Variants in DNAH3 observed in about 807,000 individuals in gnomAD.
The protein encoded by DNAH3 is dynein axonemal heavy chain 3.
A neutral mutation model predicts 432.5 loss-of-function variants in DNAH3; 332 were observed. The observed-to-expected ratio is 0.77, with a 90% CI of 0.70 to 0.84. DNAH3 has a LOEUF of 0.84. Among genes scored for constraint, DNAH3 ranks in the 40% least tolerant of loss-of-function variants. The pLI is 0.00. For missense variants in DNAH3, 4,861 were observed against 5,114.0 expected, an observed-to-expected ratio of 0.95 and a Z score of 1.51; for synonymous variants, 1,956 against 1,900.2, an observed-to-expected ratio of 1.03 and a Z score of -0.76.
intron 9 of DNAH3, among the ~76,000 whole-genome samples, chr16:21,124,490 G>A (rs1182469814): frequency 6.6e-6 from 1 of 151,982 alleles, no homozygotes; most frequent in Non-Finnish European, 1.5e-5. Flanking sequence ...CCAATCCACA[G>A]CTGGACTGGA....
chr16:21,147,571 GC>G, intron 1 of DNAH3, among the ~76,000 whole-genome samples: 1 of 152,288 alleles, frequency 6.6e-6, no homozygotes, highest in Middle Eastern at 3.4e-3. Flanking sequence ...TCAGGCAGTG[GC>G]ACTGAATTTT....
At chr16:21,142,388 T>C (rs1230726839) in intron 3 of DNAH3, among the ~76,000 whole-genome samples, 1 of 152,058 alleles carries the variant, frequency 6.6e-6, no homozygotes, top group African/African-American at 2.4e-5. Flanking sequence ...CATACATACA[T>C]ACATGCATAC....
At chr16:21,157,758 C>T (rs1263857905) in intron 1 of DNAH3, among the ~76,000 whole-genome samples, 1 of 146,654 alleles carries the variant, frequency 6.8e-6, no homozygotes, top group Non-Finnish European at 1.5e-5. Flanking sequence ...AATGGTTGGG[C>T]TTATCCCTCT....
chr16:20,948,618 G>T, exon 57 of DNAH3: 1 of 1,614,154 alleles, frequency 6.2e-7, no homozygotes, highest in Non-Finnish European at 8.5e-7. Flanking sequence ...CAGTCACTCT[G>T]CCTCCGTAAT....
At chr16:20,982,875 T>C (rs749658424) in exon 49 of DNAH3, 8 of 1,613,972 alleles carry the variant, frequency 5.0e-6, no homozygotes, top group African/African-American at 1.3e-5. Context: ...GCATCCCCTA[T>C]TGGACTCATG....
intron 20 of DNAH3, among the ~76,000 whole-genome samples, chr16:21,080,678 T>C (rs1179564539): frequency 6.6e-6 from 1 of 152,164 alleles, no homozygotes; most frequent in African/African-American, 2.4e-5. Flanking sequence ...AAAACGTGCA[T>C]TCTAGCTAGT....
At chr16:21,127,585 T>C in intron 8 of DNAH3, 102 bp downstream of exon 9, 1 of 1,374,864 alleles carries the variant, frequency 7.3e-7, no homozygotes, top group Non-Finnish European at 9.9e-7. Context: ...CACGAAAGGA[T>C]GCCAGTGGGA....
chr16:21,127,705 T>C (rs762020805), exon 8 of DNAH3: 4 of 1,614,154 alleles, frequency 2.5e-6, no homozygotes, highest in Non-Finnish European at 2.5e-6. Context: ...AAGAGTCTGG[T>C]GTGCCTCCAG....
chr16:21,123,826 G>A (rs2092393232), intron 9 of DNAH3, among the ~76,000 whole-genome samples: 1 of 151,672 alleles, frequency 6.6e-6, no homozygotes, highest in Non-Finnish European at 1.5e-5. Flanking sequence ...GTCTCGCTCT[G>A]TCACCCAGGC....
At chr16:21,058,833 G>A (rs974980209) in intron 26 of DNAH3, among the ~76,000 whole-genome samples, 1 of 152,086 alleles carries the variant, frequency 6.6e-6, no homozygotes, top group African/African-American at 2.4e-5. Flanking sequence ...ACTGGGGCCT[G>A]TTAGGAGGTG....
rs111755945 is a variant in DNAH3 at position 20,949,064 on chromosome 16, C to T, written c.11189-427G>A. 6.0e-3 allele frequency among the ~76,000 whole-genome samples: 919 copies of T among 152,120 alleles called. 14 individuals are homozygous for T. Among genetic ancestry groups the T allele is most frequent in the African/African-American group, 0.021 (882 of 41,494 alleles). The stretch of plus-strand genomic sequence containing the variant: ...GAGCCACTTTCTTCGGCAATAAAAT[C>T]CCCCACATTTACCATCTTCCATTCG... On this transcript the variant is annotated intron_variant, in intron 56 of 61. Coordinates refer to ENST00000261383, the Ensembl canonical transcript of DNAH3.
intron 29 of DNAH3, among the ~76,000 whole-genome samples, chr16:21,050,538 A>C (rs2089911083): frequency 6.6e-6 from 1 of 152,194 alleles, no homozygotes; most frequent in South Asian, 2.1e-4. Context: ...TCCTGGGCCC[A>C]AGTGATACTC....
chr16:21,049,744 G>A lies in DNAH3; in HGVS notation c.4348-62C>T, dbSNP rs77754576. 4.9e-3 allele frequency: 7,297 copies of A among 1,498,466 alleles called. 314 individuals are homozygous for A. In the African/African-American group the frequency reaches 0.086, roughly 18 times the overall value. The allele number at this position is 1,498,466 out of a possible 1,614,324, so 92.8% of individuals were successfully genotyped here. A position where few individuals can be genotyped will look rare whatever the true frequency, so the allele number is the denominator to read the frequency against. On this transcript the variant is annotated intron_variant, in intron 30 of 61. Coordinates refer to ENST00000261383, the Ensembl canonical transcript of DNAH3. ...GATTCCATCCCATCTGAATTACCCCGCACCATTCAACAGCAGTGGGCTCCT... is the reference window on the plus strand; with the variant it reads ...GATTCCATCCCATCTGAATTACCCCACACCATTCAACAGCAGTGGGCTCCT...
exon 19 of DNAH3, chr16:21,086,901 G>A: frequency 6.2e-7 from 1 of 1,614,190 alleles, no homozygotes; most frequent in Non-Finnish European, 8.5e-7. Flanking sequence ...ACTGAGGATG[G>A]GAATGTACTG....
At chr16:21,121,613 T>G (rs2092343176) in intron 10 of DNAH3, among the ~76,000 whole-genome samples, 1 of 150,932 alleles carries the variant, frequency 6.6e-6, no homozygotes, top group African/African-American at 2.4e-5. Flanking sequence ...TTCTTTTTTT[T>G]TTTTTGGAGA....
intron 41 of DNAH3, among the ~76,000 whole-genome samples, chr16:21,012,803 C>A (rs1324841581): frequency 6.6e-6 from 1 of 151,960 alleles, no homozygotes; most frequent in Admixed American, 6.6e-5. Context: ...ACTCTGTCAC[C>A]CAGGCTGGAG....
rs2092610615 is a variant in DNAH3, at chr16:21,134,249, G to T, written c.1082+10C>A. 6.2e-7 allele frequency: 1 copy of T among 1,604,514 alleles called. No individual in the cohort carries two copies. The highest frequency in any genetic ancestry group is 8.5e-7 in the Non-Finnish European group (1 of 1,175,896). ...AAAGGGAATGAAAAAAAAAGGGAGG[G>T]ACTTCTTACTCTGCAAACCACAGTT... On this transcript the variant is annotated intron_variant, in intron 7 of 61. Coordinates refer to ENST00000261383, the Ensembl canonical transcript of DNAH3.
At chr16:20,943,001 G>A (rs1410231152) in intron 58 of DNAH3, among the ~76,000 whole-genome samples, 4 of 152,060 alleles carry the variant, frequency 2.6e-5, no homozygotes, top group African/African-American at 9.7e-5. Flanking sequence ...CAGCCTCACT[G>A]CAGCCTCGAC....
intron 24 of DNAH3, among the ~76,000 whole-genome samples, chr16:21,065,095 G>A (rs2090498777): frequency 6.6e-6 from 1 of 152,038 alleles, no homozygotes; most frequent in African/African-American, 2.4e-5. Context: ...GATTAAATTA[G>A]TTAGTTAGTA....
Sources: gnomAD v4.1 joint callset for allele counts (sites outside exome capture counted in the v4.1 genomes callset) on GRCh38, gnomAD v4.1.1 for gene constraint, MANE v1.5 for transcripts, NCBI Gene and HGNC (gene_info 2026-07-23, HGNC 2026-07-21) for gene names.